ECHDC1: variants seen among roughly 807,000 people sequenced by gnomAD.
ECHDC1 encodes the protein ethylmalonyl-CoA decarboxylase.
ECHDC1 carries 29 observed loss-of-function variants against 29.7 expected under a neutral mutation model. The observed-to-expected ratio is 0.98, with a 90% confidence interval of 0.73 to 1.33. ECHDC1 has a LOEUF of 1.33. ECHDC1 is among the 40% of genes most tolerant of loss of function. The pLI is 0.00. For synonymous variants in ECHDC1, 126 were observed against 123.1 expected (o/e 1.02, Z -0.15); for missense variants, 328 against 350.0 (o/e 0.94, Z 0.50).
chr6:127,340,967 G>A (rs987995076), intron 1 of ECHDC1, among the ~76,000 whole-genome samples: 11 of 152,064 alleles, frequency 7.2e-5, no homozygotes, highest in Non-Finnish European at 1.5e-4. Context: ...TAGTATGAAC[G>A]CCATCAGATC....
intron 5 of ECHDC1, chr6:127,313,481 G>T (rs1249190490): frequency 2.3e-6 from 1 of 425,812 alleles, no homozygotes; most frequent in Non-Finnish European, 4.8e-6. Flanking sequence ...GGGATAACAG[G>T]CATGAGCCAC....
chr6:127,319,008 T>G (rs1171221513), intron 3 of ECHDC1, among the ~76,000 whole-genome samples: 1 of 152,260 alleles, frequency 6.6e-6, no homozygotes, highest in African/African-American at 2.4e-5. Flanking sequence ...TCAAGTAATT[T>G]TAATATGCAT....
At chr6:127,315,875 G>A (rs1015010582) in intron 4 of ECHDC1, 28 of 444,634 alleles carry the variant, frequency 6.3e-5, no homozygotes, top group Middle Eastern at 3.4e-4. Flanking sequence ...TCTACATTCG[G>A]AATGTGAAAG....
intron 5 of ECHDC1, among the ~76,000 whole-genome samples, chr6:127,292,189 A>G (rs1015472119): frequency 6.6e-6 from 1 of 152,092 alleles, no homozygotes; most frequent in Non-Finnish European, 1.5e-5. Context: ...TATGCCAGGA[A>G]TAGATTCATT....
At chr6:127,315,144 T>C (rs752129480) in intron 4 of ECHDC1, 11 of 629,156 alleles carry the variant, frequency 1.7e-5, no homozygotes, top group South Asian at 1.7e-4. Flanking sequence ...CCTCCCTGAA[T>C]CATTATATAT....
chr6:127,327,334 C>A (rs1330550494), intron 2 of ECHDC1, among the ~76,000 whole-genome samples, 190 bp from the exon 3 acceptor site: 1 of 152,070 alleles, frequency 6.6e-6, no homozygotes, highest in Non-Finnish European at 1.5e-5. Flanking sequence ...GCAGGCCCTG[C>A]ATTGTAAATG....
chr6:127,292,741 C>A (rs1780300122), intron 5 of ECHDC1, among the ~76,000 whole-genome samples: 1 of 151,956 alleles, frequency 6.6e-6, no homozygotes, highest in South Asian at 2.1e-4. Flanking sequence ...TCCTGATAGA[C>A]CCTACAGGAT....
At chr6:127,314,956 G>A (rs1216161438) in intron 4 of ECHDC1, 60 bp from the exon 5 acceptor site, 5 of 1,498,002 alleles carry the variant, frequency 3.3e-6, no homozygotes, top group East Asian at 2.4e-5. Flanking sequence ...ATTTACAAAT[G>A]TTATTTTTTA....
rs183317718 is a variant in ECHDC1, at chr6:127,326,882, A to T, written c.363+120T>A. 8.5e-5 allele frequency: 103 copies of T among 1,206,400 alleles called. No homozygotes were observed. The African/African-American group carries it at 1.4e-3, about 16-fold the overall frequency. 74.7% of individuals were successfully genotyped at this position (1,206,400 alleles called of 1,614,324 possible). On this transcript the variant is annotated intron_variant, in intron 3 of 5. Coordinates refer to ENST00000454859, the MANE Select transcript of ECHDC1 (RefSeq NM_001002030.2). ...TACCAAAAACAAAACAAACCAAAAA[A>T]TCCCCATAATCCTTTGAAAGTTATT...
chr6:127,327,023 C>T lies in ECHDC1; in HGVS notation c.342G>A (p.Val114=), dbSNP rs1282347787. The part of the protein sequence containing the change: ...TFSSGSDLNA[V]KSLGTPEDGM... Reference sequence around the variant, plus strand: ...TTGCCTCTGGAGTTCCTAGTGATTTCACAGCATTCAGATCAGATCCTGAAG... The same window carrying T: ...TTGCCTCTGGAGTTCCTAGTGATTTTACAGCATTCAGATCAGATCCTGAAG... Residue 114 remains valine (V), a synonymous_variant, in exon 3 of 6, where the codon GTG becomes GTA. Coordinates refer to ENST00000454859, the MANE Select transcript of ECHDC1 (RefSeq NM_001002030.2). 6.2e-7 allele frequency: 1 copy of T among 1,613,680 alleles called. No individual in the cohort carries two copies. Among genetic ancestry groups the T allele is most frequent in the Non-Finnish European group, 8.5e-7 (1 of 1,179,796 alleles).
chr6:127,343,124 G>A (rs1305059990), intron 1 of ECHDC1: 3 of 152,090 alleles, frequency 2.0e-5, no homozygotes, highest in Non-Finnish European at 4.4e-5. Flanking sequence ...GCGCACAGCC[G>A]GCCCGTGGCG....
At chr6:127,310,650 T>C (rs1236125241) in intron 5 of ECHDC1, among the ~76,000 whole-genome samples, 1 of 152,246 alleles carries the variant, frequency 6.6e-6, no homozygotes, top group African/African-American at 2.4e-5. Flanking sequence ...TTGGTGAAGA[T>C]GCTGTGAACA....
chr6:127,334,975 T>C (rs553716093), intron 1 of ECHDC1, among the ~76,000 whole-genome samples: 148 of 152,196 alleles, frequency 9.7e-4, no homozygotes, highest in African/African-American at 3.2e-3. Flanking sequence ...CAGTACTTAA[T>C]ACATAAAAGG....
Position 127,313,074 on chromosome 6 carries a change from G to A in ECHDC1, c.497+1742C>T, listed in dbSNP as rs530075222. The A allele has an allele frequency of 3.0e-4, 46 of 152,424 alleles. No homozygotes were observed. The South Asian group carries it at 8.9e-3, about 30-fold the overall frequency. The allele number at this position is 152,424 out of a possible 1,614,324, so 9.4% of individuals were successfully genotyped here. On this transcript the variant is annotated intron_variant, in intron 5 of 5. Coordinates refer to ENST00000454859, the MANE Select transcript of ECHDC1 (RefSeq NM_001002030.2). ...CATATGAAAACATATAGATAGGGGT[G>A]ATAAAAATGTTCTCAATCTTGATTG...
chr6:127,316,782 C>T (rs899118799), intron 3 of ECHDC1, among the ~76,000 whole-genome samples: 2 of 151,950 alleles, frequency 1.3e-5, no homozygotes, highest in African/African-American at 2.4e-5. Context: ...GAGTTCTACT[C>T]AGGGTAATGA....
At chr6:127,298,967 C>T (rs1780837011) in intron 5 of ECHDC1, among the ~76,000 whole-genome samples, 1 of 151,948 alleles carries the variant, frequency 6.6e-6, no homozygotes, top group South Asian at 2.1e-4. Flanking sequence ...CCTTGACCTC[C>T]TGGCCTCAAG....
intron 5 of ECHDC1, among the ~76,000 whole-genome samples, chr6:127,313,872 C>T (rs957714306): frequency 1.3e-5 from 2 of 152,076 alleles, no homozygotes; most frequent in Non-Finnish European, 2.9e-5. Flanking sequence ...TATGCTAAAA[C>T]CTATATTTTC....
chr6:127,296,617 CAA>C lies in ECHDC1; in HGVS notation c.498-6342_498-6341del, dbSNP rs1780618746. On this transcript the variant is annotated intron_variant, in intron 5 of 5. Transcript: ENST00000454859. ...ACTTTAAAAAATTGAAGGAAAAAAA[CAA>C]ATATCCTGTTGAGAAATAAGCAAAA... is the stretch of plus-strand genomic sequence containing the variant. 2.6e-5 allele frequency among the ~76,000 whole-genome samples: 4 copies of C among 152,150 alleles called. No homozygotes were observed. The South Asian group carries it at 8.3e-4, about 32-fold the overall frequency.
chr6:127,321,555 A>G (rs1212556421), intron 3 of ECHDC1, among the ~76,000 whole-genome samples: 1 of 152,240 alleles, frequency 6.6e-6, no homozygotes, highest in Non-Finnish European at 1.5e-5. Flanking sequence ...TGTGATAAAC[A>G]CATTCCATAC....
Sources: gnomAD v4.1 joint callset for allele counts (sites outside exome capture counted in the v4.1 genomes callset) on GRCh38, gnomAD v4.1.1 for gene constraint, MANE v1.5 for transcripts, NCBI Gene and HGNC (gene_info 2026-07-23, HGNC 2026-07-21) for gene names.